The following PRELID2 variants were observed in gnomAD, a reference collection of about 807,000 sequenced individuals.
PRELID2 encodes the protein PRELI domain containing 2, also known as PRELI domain-containing protein 2.
Under a neutral mutation model 28.4 loss-of-function variants are expected in PRELID2, and 25 were observed. The ratio of observed to expected loss-of-function variants is 0.88; its 90% CI spans 0.64 to 1.23. The LOEUF is 1.23. Ranked by LOEUF, PRELID2 falls within the 50% of genes most tolerant of loss-of-function variation. The pLI, the probability that PRELID2 is intolerant of heterozygous loss-of-function variation, is 0.00. For synonymous variants in PRELID2, 76 were observed against 71.6 expected, an observed-to-expected ratio of 1.06 and a Z score of -0.31; for missense variants, 201 against 214.4, an observed-to-expected ratio of 0.94 and a Z score of 0.39.
intron 1 of PRELID2, among the ~76,000 whole-genome samples, chr5:145,732,771 C>A (rs1221047136): frequency 1.3e-5 from 2 of 151,940 alleles, no homozygotes; most frequent in African/African-American, 2.4e-5. Flanking sequence ...ACATAACTAT[C>A]CAAGAGCAAG....
intron 1 of PRELID2, among the ~76,000 whole-genome samples, chr5:145,668,250 A>G (rs1171272880): frequency 6.6e-6 from 1 of 152,028 alleles, no homozygotes; most frequent in Non-Finnish European, 1.5e-5. Context: ...AGCCAAAGAG[A>G]AGATTCTGTC....
the PRELID2 span, among the ~76,000 whole-genome samples, chr5:145,434,547 A>G: frequency 3.9e-5 from 6 of 152,172 alleles, no homozygotes; most frequent in East Asian, 1.2e-3. Flanking sequence ...TCATTAGTTC[A>G]TAGATTAATG....
chr5:145,312,012 C>A, the PRELID2 span, among the ~76,000 whole-genome samples: 4 of 151,982 alleles, frequency 2.6e-5, no homozygotes, highest in East Asian at 7.7e-4. Context: ...ATACCCATAA[C>A]CTCACATACT....
At chr5:145,617,162 G>A (rs1225333201) in intron 1 of PRELID2, among the ~76,000 whole-genome samples, 1 of 152,056 alleles carries the variant, frequency 6.6e-6, no homozygotes, top group Non-Finnish European at 1.5e-5. Flanking sequence ...ATTTCATATT[G>A]TTCAAACACA....
the PRELID2 span, among the ~76,000 whole-genome samples, chr5:145,230,641 G>A: frequency 6.6e-6 from 1 of 152,016 alleles, no homozygotes; most frequent in South Asian, 2.1e-4. Flanking sequence ...TGCCAAAATA[G>A]GCTAGTACTG....
the PRELID2 span, among the ~76,000 whole-genome samples, chr5:145,306,761 C>T: frequency 6.0e-3 from 917 of 152,020 alleles, 10 homozygotes; most frequent in African/African-American, 0.021. Flanking sequence ...TTATGAATTA[C>T]GTATATATGT....
At chr5:145,374,111 G>T in the PRELID2 span, among the ~76,000 whole-genome samples, 8,294 of 151,340 alleles carry the variant, frequency 0.055, 734 homozygotes, top group African/African-American at 0.18. Flanking sequence ...GTTTTTGCAA[G>T]GGCTGGTACT....
the PRELID2 span, among the ~76,000 whole-genome samples, chr5:145,434,961 C>G: frequency 6.6e-6 from 1 of 152,180 alleles, no homozygotes; most frequent in African/African-American, 2.4e-5. Context: ...TATTATTTTA[C>G]TGCTAAGAGT....
intron 1 of PRELID2, among the ~76,000 whole-genome samples, chr5:145,601,928 G>A (rs988436410): frequency 9.9e-5 from 15 of 152,178 alleles, no homozygotes; most frequent in African/African-American, 3.4e-4. Flanking sequence ...TGAAACTTTG[G>A]GAAGTAGTGC....
At chr5:145,397,118 G>C in the PRELID2 span, among the ~76,000 whole-genome samples, 3 of 152,092 alleles carry the variant, frequency 2.0e-5, no homozygotes, top group South Asian at 6.2e-4. Flanking sequence ...CCCCTATCCT[G>C]AATGTGAGAC....
chr5:145,741,639 T>A lies in PRELID2; in HGVS notation n.70+23292A>T, dbSNP rs576043329. 7.5e-3 allele frequency among the ~76,000 whole-genome samples: 74 copies of A among 9,910 alleles called. 19 individuals carry two copies. The highest frequency in any genetic ancestry group is 0.028 in the African/African-American group (69 of 2,490). The allele number at this position is 9,910 out of a possible 152,430, so 6.5% of individuals were successfully genotyped here. ...ATATATAAATAATTTATTTATAATT[T>A]ATTTATATATAAATAATTTATTTAT... On this transcript the variant is annotated intron_variant and non_coding_transcript_variant, in intron 1 of 2. Transcript: ENST00000510259.
chr5:145,246,267 G>A, the PRELID2 span, among the ~76,000 whole-genome samples: 5 of 152,072 alleles, frequency 3.3e-5, no homozygotes, highest in African/African-American at 1.2e-4. Context: ...CTGCAGAAGC[G>A]TGGGGTTTAG....
At chr5:145,341,227 T>C in the PRELID2 span, among the ~76,000 whole-genome samples, 1 of 151,474 alleles carries the variant, frequency 6.6e-6, no homozygotes, top group African/African-American at 2.4e-5. Flanking sequence ...CCCAGAGAAA[T>C]ACAATAATTC....
intron 1 of PRELID2, among the ~76,000 whole-genome samples, chr5:145,558,087 GATAAATCTGGTTTCAA>G (rs1304241633): frequency 6.6e-6 from 1 of 152,208 alleles, no homozygotes; most frequent in Non-Finnish European, 1.5e-5. Context: ...TATAGAATCA[GATAAATCTGGTTTCAA>G]ATACTGACCT....
chr5:145,252,846 T>C, the PRELID2 span, among the ~76,000 whole-genome samples: 2 of 152,160 alleles, frequency 1.3e-5, no homozygotes, highest in Non-Finnish European at 2.9e-5. Context: ...TAAAGTCATA[T>C]ATTTTATGTA....
chr5:145,622,407 T>C lies in PRELID2; in HGVS notation n.70+142524A>G, dbSNP rs143787589. Among the ~76,000 whole-genome samples, 18 of 152,272 alleles carry C rather than the reference T, an allele frequency of 1.2e-4. No homozygotes were observed. In the East Asian group the frequency reaches 3.5e-3, roughly 29 times the overall value. ...CATTTTAAGATGAAAACTAACAGAC[T>C]TTAGCAGTAACTACTTATGCTAAAG... On this transcript the variant is annotated intron_variant and non_coding_transcript_variant, in intron 1 of 2. Coordinates refer to the PRELID2 transcript ENST00000510259.
intron 1 of PRELID2, among the ~76,000 whole-genome samples, chr5:145,596,017 C>T (rs1288715461): frequency 1.4e-5 from 2 of 144,394 alleles, no homozygotes; most frequent in African/African-American, 2.6e-5. Context: ...GAGGTGAGCT[C>T]AGGAAGTAAA....
intron 1 of PRELID2, among the ~76,000 whole-genome samples, chr5:145,498,657 T>C (rs1752328403): frequency 6.6e-6 from 1 of 152,146 alleles, no homozygotes; most frequent in African/African-American, 2.4e-5. Context: ...GCCTCCTGAG[T>C]AGCTGGGACT....
intron 1 of PRELID2, among the ~76,000 whole-genome samples, chr5:145,739,876 T>C (rs1187497064): frequency 6.6e-6 from 1 of 150,586 alleles, no homozygotes; most frequent in East Asian, 2.0e-4. Flanking sequence ...TGTAAATTAA[T>C]CAAATTATAA....
Sources: allele counts gnomAD v4.1 joint callset (sites outside exome capture counted in the v4.1 genomes callset), GRCh38; gene constraint gnomAD v4.1.1; transcripts MANE v1.5; gene names NCBI Gene and HGNC (gene_info 2026-07-23, HGNC 2026-07-21).